Variants in GHR observed in about 807,000 individuals in gnomAD.
GHR encodes GH receptor.
GHR carries 35 observed loss-of-function variants against 67.1 expected under a neutral mutation model. That is an observed-to-expected ratio of 0.52 (90% confidence interval 0.40 to 0.69). GHR has a LOEUF of 0.69. GHR is among the 30% of genes least tolerant of loss of function. GHR has a pLI of 0.00. For missense variants in GHR, 792 were observed against 764.6 expected (o/e 1.04, Z -0.42); for synonymous variants, 272 against 269.1 (o/e 1.01, Z -0.10).
chr5:42,634,792 A>C (rs1354798059), intron 3 of GHR, among the ~76,000 whole-genome samples: 1 of 152,166 alleles, frequency 6.6e-6, no homozygotes, highest in Non-Finnish European at 1.5e-5. Flanking sequence ...GTTGCAGGAC[A>C]TATCAGTTCA....
intron 1 of GHR, among the ~76,000 whole-genome samples, chr5:42,441,455 T>C (rs1743567539): frequency 1.3e-5 from 2 of 151,890 alleles, no homozygotes; most frequent in African/African-American, 4.8e-5. Flanking sequence ...AGATATGTGG[T>C]CAAGGGAAAC....
chr5:42,617,097 T>C (rs1753190891), intron 2 of GHR, among the ~76,000 whole-genome samples: 1 of 151,980 alleles, frequency 6.6e-6, no homozygotes, highest in South Asian at 2.1e-4. Context: ...AAATAGAGTA[T>C]GCTTTCCATG....
At chr5:42,548,593 T>C (rs1217359316) in intron 1 of GHR, 7 of 705,468 alleles carry the variant, frequency 9.9e-6, no homozygotes, top group Non-Finnish European at 1.2e-5. Context: ...GTTTTTTTTT[T>C]CTTACTTTTG....
intron 3 of GHR, among the ~76,000 whole-genome samples, chr5:42,684,039 C>A (rs1030103399): frequency 1.3e-5 from 2 of 149,866 alleles, no homozygotes; most frequent in African/African-American, 4.9e-5. Flanking sequence ...GTTTATTATT[C>A]TTGCTATTAT....
Position 42,474,257 on chromosome 5 carries a change from C to CAGACAGACAGAAAGAA in GHR, c.-12+50305_-12+50306insCAGACAGAAAGAAAGA, listed in dbSNP as rs1182799025. On this transcript the variant is annotated intron_variant, in intron 1 of 9. Coordinates refer to ENST00000230882, the MANE Select transcript of GHR (RefSeq NM_000163.5). ...AGAAAGAAAGAGAGAGAAAGACAGA[C>CAGACAGACAGAAAGAA]AGAAAGAAAGAAAGAAAGAAAGAAA... Among the ~76,000 whole-genome samples, 587 of 88,024 alleles carry CAGACAGACAGAAAGAA rather than the reference C, an allele frequency of 6.7e-3. 7 individuals are homozygous for CAGACAGACAGAAAGAA. The highest frequency in any genetic ancestry group is 0.024 in the African/African-American group (564 of 23,444). The allele number at this position is 88,024 out of a possible 152,430, so 57.7% of individuals were successfully genotyped here. A position where few individuals can be genotyped will look rare whatever the true frequency, so the allele number is the denominator to read the frequency against.
chr5:42,719,200 A>G lies in GHR; in HGVS notation c.1693A>G (p.Ile565Val). 1 of 1,614,126 alleles carries G rather than the reference A, an allele frequency of 6.2e-7. No homozygotes were observed. Among genetic ancestry groups the G allele is most frequent in the Non-Finnish European group, 8.5e-7 (1 of 1,180,002 alleles). ...ACAGCCAAGCTTAAACCAAGAGGAC[A>G]TTTACATCACCACAGAAAGCCTTAC... ...HIQPSLNQED[I>V]YITTESLTTA... Residue 565 changes from isoleucine (I) to valine (V), a missense_variant, in exon 10 of 10, where the codon ATT becomes GTT. Ile to Val is a conservative substitution (Grantham distance 29). Coordinates refer to ENST00000230882, the MANE Select transcript of GHR (RefSeq NM_000163.5).
chr5:42,661,941 C>T (rs1755654343), intron 3 of GHR, among the ~76,000 whole-genome samples: 1 of 152,102 alleles, frequency 6.6e-6, no homozygotes, highest in Admixed American at 6.5e-5. Flanking sequence ...CAAAAAAAGT[C>T]AGGGGTTGCA....
At chr5:42,673,030 T>C (rs1756394974) in intron 3 of GHR, among the ~76,000 whole-genome samples, 1 of 152,138 alleles carries the variant, frequency 6.6e-6, no homozygotes, top group African/African-American at 2.4e-5. Context: ...CAAGATCTAA[T>C]ATCTGGCGTC....
At chr5:42,636,159 G>A (rs1430452196) in intron 3 of GHR, among the ~76,000 whole-genome samples, 3 of 135,752 alleles carry the variant, frequency 2.2e-5, no homozygotes, top group South Asian at 2.3e-4. Flanking sequence ...GCAGTGAGCC[G>A]AGATCTCACC....
chr5:42,692,005 C>T (rs1290296395), intron 4 of GHR, among the ~76,000 whole-genome samples: 2 of 152,164 alleles, frequency 1.3e-5, no homozygotes, highest in East Asian at 3.9e-4. Flanking sequence ...AACACTCAGT[C>T]CTTAAGGCTG....
At chr5:42,457,521 T>C (rs1744311437) in intron 1 of GHR, among the ~76,000 whole-genome samples, 1 of 152,228 alleles carries the variant, frequency 6.6e-6, no homozygotes, top group Non-Finnish European at 1.5e-5. Context: ...TCCTGGTTTA[T>C]AGGTGAGGAA....
At chr5:42,617,251 AAAG>A (rs1024832529) in intron 2 of GHR, among the ~76,000 whole-genome samples, 8 of 152,020 alleles carry the variant, frequency 5.3e-5, no homozygotes, top group East Asian at 3.9e-4. Flanking sequence ...TAAAAAAAAA[AAAG>A]AAGAAGAAGA....
chr5:42,691,924 G>C (rs1398739282), intron 4 of GHR, among the ~76,000 whole-genome samples: 1 of 152,240 alleles, frequency 6.6e-6, no homozygotes, highest in Non-Finnish European at 1.5e-5. Context: ...GCTCTGGGAA[G>C]CATGTTCGAG....
chr5:42,657,917 T>C (rs1020447165), intron 3 of GHR, among the ~76,000 whole-genome samples: 1 of 152,234 alleles, frequency 6.6e-6, no homozygotes, highest in Non-Finnish European at 1.5e-5. Context: ...TAAAATGTTT[T>C]ATTTTCAGCT....
chr5:42,454,497 G>A (rs560692111), intron 1 of GHR, among the ~76,000 whole-genome samples: 14 of 152,282 alleles, frequency 9.2e-5, no homozygotes, highest in African/African-American at 2.6e-4. Context: ...AGGATTAGGC[G>A]GGTCTGAGCT....
At chr5:42,467,592 A>T in intron 1 of GHR, 3 of 1,600,840 alleles carry the variant, frequency 1.9e-6, no homozygotes, top group Non-Finnish European at 2.6e-6. Context: ...ATACAGTCAG[A>T]TTTGAACTCT....
chr5:42,500,675 C>T (rs1579824792), intron 1 of GHR, among the ~76,000 whole-genome samples: 1 of 152,178 alleles, frequency 6.6e-6, no homozygotes, highest in Admixed American at 6.5e-5. Flanking sequence ...GCTTATGCCT[C>T]TTTGGTCACT....
chr5:42,686,659 G>A (rs542871247), intron 3 of GHR, among the ~76,000 whole-genome samples: 1 of 152,164 alleles, frequency 6.6e-6, no homozygotes, highest in East Asian at 1.9e-4. Flanking sequence ...AATTAACTAG[G>A]TATTCATGGA....
At chr5:42,601,786 TG>T (rs1435369676) in intron 2 of GHR, among the ~76,000 whole-genome samples, 1 of 152,158 alleles carries the variant, frequency 6.6e-6, no homozygotes, top group African/African-American at 2.4e-5. Flanking sequence ...TTAGTTGTGC[TG>T]GTTCTTTTCT....
Sources: gnomAD v4.1 joint callset for allele counts (sites outside exome capture counted in the v4.1 genomes callset) on GRCh38, gnomAD v4.1.1 for gene constraint, MANE v1.5 for transcripts, NCBI Gene and HGNC (gene_info 2026-07-23, HGNC 2026-07-21) for gene names.